The following NTNG1 variants were observed in gnomAD, a reference collection of about 807,000 sequenced individuals.
NTNG1 encodes netrin G1.
NTNG1 carries 16 observed loss-of-function variants against 54.0 expected under a neutral mutation model. That is an observed-to-expected ratio of 0.30 (90% CI 0.20 to 0.45). NTNG1 has a LOEUF of 0.45. Ranked by LOEUF, NTNG1 falls within the 20% of genes least tolerant of loss-of-function variation. NTNG1 has a pLI of 1.00. For synonymous variants in NTNG1, 255 were observed against 263.1 expected, an observed-to-expected ratio of 0.97 and a Z score of 0.30; for missense variants, 530 against 678.7, an observed-to-expected ratio of 0.78 and a Z score of 2.43.
intron 2 of NTNG1, among the ~76,000 whole-genome samples, chr1:107,302,799 A>G (rs1557882635): frequency 6.6e-6 from 1 of 152,166 alleles, no homozygotes; most frequent in Non-Finnish European, 1.5e-5. Context: ...AAGACCACAG[A>G]TGACTTACAG....
At chr1:107,151,591 A>G (rs544946382) in intron 2 of NTNG1, among the ~76,000 whole-genome samples, 1 of 152,300 alleles carries the variant, frequency 6.6e-6, no homozygotes, top group East Asian at 1.9e-4. Flanking sequence ...AGCTGTGGCT[A>G]TAGCTGTTCT....
At chr1:107,333,641 G>T (rs1243743038) in intron 3 of NTNG1, among the ~76,000 whole-genome samples, 3 of 151,816 alleles carry the variant, frequency 2.0e-5, no homozygotes, top group Non-Finnish European at 4.4e-5. Context: ...AACATCGTGT[G>T]TGTGTGCATG....
intron 7 of NTNG1, among the ~76,000 whole-genome samples, chr1:107,477,371 T>C (rs1220287954): frequency 1.3e-5 from 2 of 152,216 alleles, no homozygotes; most frequent in Non-Finnish European, 2.9e-5. Context: ...TAGAGCACCA[T>C]CAAACAGAGT....
At chr1:107,376,151 T>G (rs1238410747) in intron 3 of NTNG1, among the ~76,000 whole-genome samples, 1 of 152,216 alleles carries the variant, frequency 6.6e-6, no homozygotes, top group African/African-American at 2.4e-5. Flanking sequence ...CTGGGCGCGG[T>G]GGCTCACGCC....
At chr1:107,216,603 G>T (rs1218627382) in intron 2 of NTNG1, among the ~76,000 whole-genome samples, 1 of 151,214 alleles carries the variant, frequency 6.6e-6, no homozygotes, top group Non-Finnish European at 1.5e-5. Flanking sequence ...TTGGTCTGTG[G>T]TTTTCTTATT....
At chr1:107,215,371 C>T (rs1192152676) in intron 2 of NTNG1, among the ~76,000 whole-genome samples, 2 of 152,154 alleles carry the variant, frequency 1.3e-5, no homozygotes, top group Non-Finnish European at 2.9e-5. Context: ...ATTATCCCAG[C>T]ACCTTTTGTT....
At chr1:107,338,807 C>T (rs1330975813) in intron 3 of NTNG1, among the ~76,000 whole-genome samples, 1 of 148,570 alleles carries the variant, frequency 6.7e-6, no homozygotes, top group East Asian at 2.0e-4. Flanking sequence ...GAGGCAGCAG[C>T]CAAGGTCAAA....
intron 2 of NTNG1, among the ~76,000 whole-genome samples, chr1:107,183,720 C>T (rs1296200035): frequency 2.0e-5 from 3 of 152,152 alleles, no homozygotes; most frequent in Non-Finnish European, 4.4e-5. Context: ...TTCAGAATCC[C>T]GAATGAGCTA....
At chr1:107,282,567 C>A (rs1664934306) in intron 2 of NTNG1, among the ~76,000 whole-genome samples, 1 of 152,144 alleles carries the variant, frequency 6.6e-6, no homozygotes, top group Admixed American at 6.6e-5. Flanking sequence ...GGTCAGTCCC[C>A]TTCTGTTGGC....
chr1:107,476,748 T>C (rs1678358482), intron 7 of NTNG1, among the ~76,000 whole-genome samples: 1 of 152,170 alleles, frequency 6.6e-6, no homozygotes, highest in South Asian at 2.1e-4. Context: ...TCTTCTCCTT[T>C]AAACACCACC....
At chr1:107,370,417 C>A (rs1431933537) in intron 3 of NTNG1, among the ~76,000 whole-genome samples, 1 of 151,482 alleles carries the variant, frequency 6.6e-6, no homozygotes, top group Non-Finnish European at 1.5e-5. Flanking sequence ...TGAGTAAGTT[C>A]TTTAGTGGTG....
intron 3 of NTNG1, among the ~76,000 whole-genome samples, chr1:107,344,373 A>G (rs578192320): frequency 3.9e-5 from 6 of 152,144 alleles, no homozygotes; most frequent in Admixed American, 2.0e-4. Flanking sequence ...TTTTTATTTT[A>G]GGAGAGGACA....
intron 5 of NTNG1, among the ~76,000 whole-genome samples, chr1:107,428,908 T>C (rs1411509082): frequency 6.6e-6 from 1 of 152,076 alleles, no homozygotes; most frequent in Admixed American, 6.6e-5. Context: ...GGTGGTAGTA[T>C]TATTATTCAC....
intron 2 of NTNG1, among the ~76,000 whole-genome samples, chr1:107,231,307 G>A (rs531691046): frequency 6.6e-6 from 1 of 152,292 alleles, no homozygotes; most frequent in African/African-American, 2.4e-5. Flanking sequence ...TCGCTTCTCA[G>A]TACTGGATGT....
intron 2 of NTNG1, among the ~76,000 whole-genome samples, chr1:107,190,195 G>A (rs4915023): frequency 0.8 from 121,755 of 152,032 alleles, 53,128 homozygotes; most frequent in East Asian, 0.99. Flanking sequence ...AATGGGCACA[G>A]AGTTTCAGTT....
intron 2 of NTNG1, among the ~76,000 whole-genome samples, chr1:107,197,917 C>T (rs1272422761): frequency 2.6e-5 from 4 of 151,948 alleles, no homozygotes; most frequent in Non-Finnish European, 1.5e-5. Flanking sequence ...TAAATTGGGT[C>T]ACTTAATGTG....
intron 2 of NTNG1, among the ~76,000 whole-genome samples, chr1:107,255,619 A>G (rs1662886777): frequency 2.0e-5 from 3 of 152,184 alleles, no homozygotes; most frequent in Non-Finnish European, 2.9e-5. Flanking sequence ...ATACCTGTCT[A>G]TGTTCCAGTC....
intron 7 of NTNG1, among the ~76,000 whole-genome samples, chr1:107,468,160 CT>C (rs1677726398): frequency 6.6e-6 from 1 of 152,154 alleles, no homozygotes; most frequent in Non-Finnish European, 1.5e-5. Flanking sequence ...ATTTTAGTAG[CT>C]ATTTTTCATA....
chr1:107,344,058 A>G (rs1251262403), intron 3 of NTNG1, among the ~76,000 whole-genome samples: 2 of 152,116 alleles, frequency 1.3e-5, no homozygotes, highest in Non-Finnish European at 2.9e-5. Flanking sequence ...TCTAGAAAAA[A>G]AAAAATCTTA....
Sources: allele counts gnomAD v4.1 joint callset (sites outside exome capture counted in the v4.1 genomes callset), GRCh38; gene constraint gnomAD v4.1.1; transcripts MANE v1.5; gene names NCBI Gene and HGNC (gene_info 2026-07-23, HGNC 2026-07-21).